Variants in CTNNA3 observed in about 807,000 individuals in gnomAD.
CTNNA3 encodes the protein catenin alpha 3.
A neutral mutation model predicts 95.7 loss-of-function variants in CTNNA3; 76 were observed. That is an observed-to-expected ratio of 0.79 (90% CI 0.66 to 0.96). The LOEUF (loss-of-function observed/expected upper bound fraction) is 0.96. Ranked by LOEUF, CTNNA3 falls within the 40% of genes least tolerant of loss-of-function variation. The pLI, the probability that CTNNA3 is intolerant of heterozygous loss-of-function variation, is 0.00. For synonymous variants in CTNNA3, 431 were observed against 374.4 expected (o/e 1.15, Z -1.74); for missense variants, 1,191 against 1,089.8 (o/e 1.09, Z -1.31).
chr10:66,332,318 T>C (rs2092340537), intron 12 of CTNNA3, among the ~76,000 whole-genome samples: 1 of 151,582 alleles, frequency 6.6e-6, no homozygotes, highest in Non-Finnish European at 1.5e-5. Flanking sequence ...ATCCCTGTCT[T>C]GTGCCAGTTT....
chr10:66,994,506 T>C (rs1851220796), intron 7 of CTNNA3, among the ~76,000 whole-genome samples: 1 of 152,182 alleles, frequency 6.6e-6, no homozygotes, highest in Non-Finnish European at 1.5e-5. Flanking sequence ...ATGCTGAACT[T>C]CTAAAGTAGG....
intron 13 of CTNNA3, among the ~76,000 whole-genome samples, chr10:66,202,427 A>C (rs2087487852): frequency 6.6e-6 from 1 of 152,190 alleles, no homozygotes; most frequent in African/African-American, 2.4e-5. Flanking sequence ...TCTGTACCAA[A>C]CTTCCAATTT....
intron 7 of CTNNA3, among the ~76,000 whole-genome samples, chr10:66,961,830 C>G (rs1221051968): frequency 6.6e-6 from 1 of 152,122 alleles, no homozygotes; most frequent in East Asian, 1.9e-4. Flanking sequence ...TCCACTCCCT[C>G]CCCACTAAAC....
chr10:67,715,129 G>A (rs1841135244), intron 1 of CTNNA3, among the ~76,000 whole-genome samples: 1 of 151,990 alleles, frequency 6.6e-6, no homozygotes, highest in Non-Finnish European at 1.5e-5. Context: ...TCTGGCACTT[G>A]GACAATAGAA....
chr10:66,278,413 T>A (rs1315053677), intron 13 of CTNNA3, among the ~76,000 whole-genome samples: 1 of 151,876 alleles, frequency 6.6e-6, no homozygotes, highest in Non-Finnish European at 1.5e-5. Context: ...CACAAAATAC[T>A]AAATTTTTCT....
intron 3 of CTNNA3, among the ~76,000 whole-genome samples, chr10:67,576,586 G>C (rs2133302932): frequency 6.7e-6 from 1 of 148,574 alleles, no homozygotes; most frequent in South Asian, 2.2e-4. Flanking sequence ...TAAATTTTAG[G>C]GTACATGTGC....
intron 1 of CTNNA3, among the ~76,000 whole-genome samples, chr10:67,705,003 T>C (rs1350089820): frequency 6.6e-6 from 1 of 152,186 alleles, no homozygotes; most frequent in Non-Finnish European, 1.5e-5. Flanking sequence ...AAGACACTTA[T>C]GCAGCCAAAA....
intron 7 of CTNNA3, among the ~76,000 whole-genome samples, chr10:67,136,430 A>T (rs1860312098): frequency 6.6e-6 from 1 of 152,250 alleles, no homozygotes; most frequent in African/African-American, 2.4e-5. Flanking sequence ...AATTTTTAGA[A>T]AGTTAATTTC....
intron 10 of CTNNA3, among the ~76,000 whole-genome samples, chr10:66,555,806 C>T (rs566096579): frequency 7.5e-4 from 114 of 152,072 alleles, no homozygotes; most frequent in African/African-American, 2.7e-3. Context: ...AGATAGCTCC[C>T]TGACACTGAC....
intron 9 of CTNNA3, among the ~76,000 whole-genome samples, chr10:66,639,311 T>C (rs1014737962): frequency 4.6e-5 from 7 of 152,202 alleles, no homozygotes; most frequent in African/African-American, 1.7e-4. Flanking sequence ...ATCTGCATCC[T>C]AGTTACAGTG....
In CTNNA3 at chr10:66,985,564, G is replaced by T. The variant is rs1030759466; in HGVS notation, c.1047+194753C>A. ...GGTCAAACACAACCAGAGGCCAGAA[G>T]TAAGGCAGACCAACGACAGAGTCCA... On this transcript the variant is annotated intron_variant, in intron 7 of 17. Coordinates refer to ENST00000433211, the MANE Select transcript of CTNNA3 (RefSeq NM_013266.4). Among the ~76,000 whole-genome samples, 3 of 152,114 alleles carry T rather than the reference G, an allele frequency of 2.0e-5. No individual in the cohort carries two copies. In the East Asian group the frequency reaches 5.8e-4, roughly 29 times the overall value.
At chr10:66,781,375 G>T (rs769819859) in intron 7 of CTNNA3, among the ~76,000 whole-genome samples, 1 of 152,074 alleles carries the variant, frequency 6.6e-6, no homozygotes, top group South Asian at 2.1e-4. Flanking sequence ...AATAGTTTAT[G>T]CTTAGCACAT....
At chr10:67,228,000 C>T (rs970558347) in intron 5 of CTNNA3, among the ~76,000 whole-genome samples, 15 of 151,880 alleles carry the variant, frequency 9.9e-5, no homozygotes, top group African/African-American at 3.6e-4. Flanking sequence ...TCGAACTGAA[C>T]AAAAACCTCT....
At chr10:66,379,006 G>A (rs187892995) in intron 12 of CTNNA3, 146 bp downstream of exon 12, 83 of 640,886 alleles carry the variant, frequency 1.3e-4, no homozygotes, top group Middle Eastern at 1.2e-3. Flanking sequence ...ATTTCAAATC[G>A]CATAACCAAA....
chr10:66,736,631 A>G (rs761773020), intron 9 of CTNNA3, among the ~76,000 whole-genome samples: 3 of 151,982 alleles, frequency 2.0e-5, no homozygotes, highest in Non-Finnish European at 2.9e-5. Flanking sequence ...AAAATTTAAT[A>G]ATTTTATGTT....
chr10:66,026,023 TC>T (rs1479300269), intron 15 of CTNNA3, among the ~76,000 whole-genome samples: 2 of 152,114 alleles, frequency 1.3e-5, no homozygotes, highest in Non-Finnish European at 2.9e-5. Context: ...GTTTTACATC[TC>T]CCCCTTCAGT....
chr10:66,319,422 GGTCA>G (rs2132283608), intron 12 of CTNNA3, among the ~76,000 whole-genome samples: 1 of 152,178 alleles, frequency 6.6e-6, no homozygotes, highest in Admixed American at 6.5e-5. Context: ...ATGCGATGTT[GGTCA>G]GTAAGATGTA....
chr10:67,760,963 A>C (rs1283488233), intron 1 of CTNNA3, among the ~76,000 whole-genome samples: 1 of 152,224 alleles, frequency 6.6e-6, no homozygotes, highest in African/African-American at 2.4e-5. Flanking sequence ...GTGCACAATA[A>C]ATGTAATGTG....
At position 66,141,929 on chromosome 10, in the gene CTNNA3, C is replaced by T. The variant is rs372015090; in HGVS notation, c.1885-38680G>A. Among the ~76,000 whole-genome samples the T allele has an allele frequency of 1.6e-4, 24 of 152,194 alleles. 2 individuals carry two copies. Among genetic ancestry groups the T allele is most frequent in the Admixed American group, 7.8e-4 (12 of 15,292 alleles). ...TTAAAGATATATCCCATATGTCTTT[C>T]GCAATTATTGTCTCCATGTCTGTGG... On this transcript the variant is annotated intron_variant, in intron 13 of 17. Coordinates refer to ENST00000433211, the MANE Select transcript of CTNNA3 (RefSeq NM_013266.4).
Sources: gnomAD v4.1 joint callset for allele counts (sites outside exome capture counted in the v4.1 genomes callset) on GRCh38, gnomAD v4.1.1 for gene constraint, MANE v1.5 for transcripts, NCBI Gene and HGNC (gene_info 2026-07-23, HGNC 2026-07-21) for gene names.